IDH3G: variants seen among roughly 807,000 people sequenced by gnomAD.
IDH3G encodes the protein isocitrate dehydrogenase [NAD] subunit gamma, mitochondrial.
IDH3G carries 9 observed loss-of-function variants against 26.9 expected under a neutral mutation model. The ratio of observed to expected loss-of-function variants is 0.34; its 90% confidence interval spans 0.20 to 0.58. The LOEUF is 0.58. Among genes scored for constraint, IDH3G ranks in the 20% least tolerant of loss-of-function variants. IDH3G has a pLI of 0.85. For missense variants in IDH3G, 250 were observed against 372.8 expected (o/e 0.67, Z 2.71); for synonymous variants, 181 against 160.0 (o/e 1.13, Z -0.99).
chrX:153,787,452 C>T lies in IDH3G; in HGVS notation c.674+12G>A. On this transcript the variant is annotated intron_variant, in intron 8 of 12. Transcript: ENST00000217901. Reference sequence around the variant, plus strand: ...GCTTCTGGACTGCTCGCAGAGAGGTCAGGGGACATACATGATGTTGGCCTT... The same window carrying T: ...GCTTCTGGACTGCTCGCAGAGAGGTTAGGGGACATACATGATGTTGGCCTT... 1.7e-6 allele frequency: 2 copies of T among 1,209,776 alleles called. No individual in the cohort carries two copies. Among genetic ancestry groups the T allele is most frequent in the Non-Finnish European group, 1.1e-6 (1 of 894,530 alleles).
At chrX:153,787,349 T>C in intron 8 of IDH3G, 115 bp downstream of exon 8, 2 of 997,681 alleles carry the variant, frequency 2.0e-6, no homozygotes, top group Non-Finnish European at 2.8e-6. Context: ...GGCACTCGCC[T>C]AGGGTGGCAC....
At chrX:153,789,062 G>T in intron 5 of IDH3G, 1 of 338,668 alleles carries the variant, frequency 3.0e-6, no homozygotes, top group South Asian at 2.6e-5. Context: ...GGGTGGGAGG[G>T]AACCCATCAG....
In IDH3G at chrX:153,794,369, C is replaced by A; in HGVS notation, c.-43G>T. On this transcript the variant is annotated 5_prime_UTR_variant, in exon 1 of 13. Coordinates refer to ENST00000217901, the MANE Select transcript of IDH3G (RefSeq NM_004135.4). ...TCCGCACGTCCCGACACGCAGATAC[C>A]GCTCTCGCGAGAGTTCGACGGGGTG... The A allele has an allele frequency of 8.5e-7, 1 of 1,169,695 alleles. No individual in the cohort carries two copies. Among genetic ancestry groups the A allele is most frequent in the Non-Finnish European group, 1.1e-6 (1 of 873,077 alleles).
chrX:153,787,747 C>T, intron 7 of IDH3G, 76 bp downstream of exon 7: 1 of 1,147,782 alleles, frequency 8.7e-7, no homozygotes, highest in Non-Finnish European at 1.2e-6. Flanking sequence ...TCTAAGGGTA[C>T]ACCTGTCCCT....
In IDH3G at chrX:153,786,778, G is replaced by A. The variant is rs192419055; in HGVS notation, c.924+23C>T. The A allele has an allele frequency of 1.4e-3, 1,690 of 1,193,261 alleles. 12 individuals carry two copies. In the East Asian group the frequency reaches 0.031, roughly 22 times the overall value. ...GTGAACAGGAGAAAGGCGGCAAGCCGCGGCACTGCCACCGGCACTCACTGT... is the reference window on the plus strand; with the variant it reads ...GTGAACAGGAGAAAGGCGGCAAGCCACGGCACTGCCACCGGCACTCACTGT... On this transcript the variant is annotated intron_variant, in intron 10 of 12. Transcript: ENST00000217901.
intron 1 of IDH3G, chrX:153,791,223 A>G (rs1481762486): frequency 3.9e-5 from 8 of 204,445 alleles, no homozygotes; most frequent in African/African-American, 2.3e-4. Flanking sequence ...CAGGGAAATC[A>G]TTACAACAAA....
At chrX:153,793,990 G>A in intron 1 of IDH3G, 1 of 316,094 alleles carries the variant, frequency 3.2e-6, no homozygotes, top group Admixed American at 5.5e-5. Flanking sequence ...GGTGACAGCC[G>A]CCGTGGCCCA....
intron 1 of IDH3G, 25 bp from the exon 2 acceptor site, chrX:153,790,876 T>G (rs1053279379): frequency 1.2e-5 from 15 of 1,204,315 alleles, no homozygotes; most frequent in Non-Finnish European, 1.6e-5. Context: ...ATGCCAGCGG[T>G]TGGTTTGATG....
chrX:153,790,625 G>C (rs1557070260), intron 2 of IDH3G, 50 bp from the exon 3 acceptor site: 1 of 1,173,886 alleles, frequency 8.5e-7, no homozygotes, highest in Admixed American at 2.2e-5. Context: ...GGTTCCAAGA[G>C]CAAGGCCGTG....
rs782410958 is a variant in IDH3G, at chrX:153,785,913, G to A, written c.1141C>T (p.Arg381Cys). Residue 381 changes from arginine to cysteine, a missense_variant, in exon 13 of 13, where the codon CGC (arginine) becomes TGC (cysteine). By Grantham distance (180) the Arg-to-Cys change is radical. Around this residue, in one of 2 missense-constraint regions of IDH3G, gnomAD observed 201 missense variants for 331.3 expected, o/e 0.61. Coordinates refer to ENST00000217901, the MANE Select transcript of IDH3G (RefSeq NM_004135.4). ...CGGCCGTTGATGACGCGGATGTGGCGGATGACGTCCTGGATGGCTTCAGAT... is the reference window on the plus strand; with the variant it reads ...CGGCCGTTGATGACGCGGATGTGGCAGATGACGTCCTGGATGGCTTCAGAT... ...TTSEAIQDVI[R>C]HIRVINGRAV... 1.5e-5 allele frequency: 18 copies of A among 1,209,956 alleles called. No individual in the cohort carries two copies. Among genetic ancestry groups the A allele is most frequent in the Non-Finnish European group, 1.9e-5 (17 of 895,251 alleles).
chrX:153,791,117 C>T, intron 1 of IDH3G: 1 of 345,586 alleles, frequency 2.9e-6, no homozygotes, highest in Non-Finnish European at 5.0e-6. Context: ...CCCTGCCCTC[C>T]CTCCTCTTTT....
intron 8 of IDH3G, 39 bp downstream of exon 8, chrX:153,787,425 C>G: frequency 8.4e-7 from 1 of 1,192,600 alleles, no homozygotes; most frequent in African/African-American, 1.7e-5. Context: ...GCCACTGCAG[C>G]TGCTTCTGGA....
rs782277779 is a variant in IDH3G at position 153,791,824 on chromosome X, C to T, written c.82-973G>A. 1.5e-3 allele frequency among the ~76,000 whole-genome samples: 170 copies of T among 112,300 alleles called. 1 individual carries two copies. The highest frequency in any genetic ancestry group is 5.2e-3 in the African/African-American group (162 of 30,954). ...CTCTCCCTGTCTGTGTGTCCCTGGC[C>T]GGCACTCATCAGTCCAAGCCAGGGG... is the stretch of plus-strand genomic sequence containing the variant. On this transcript the variant is annotated intron_variant, in intron 1 of 12. Transcript: ENST00000217901.
chrX:153,786,775 G>A (rs2092089953), intron 10 of IDH3G, 26 bp downstream of exon 10: 2 of 1,192,086 alleles, frequency 1.7e-6, no homozygotes, highest in Admixed American at 2.2e-5. Context: ...AAGGCGGCAA[G>A]CCGCGGCACT....
chrX:153,787,614 G>A lies in IDH3G; in HGVS notation c.541-17C>T. 8.3e-7 allele frequency: 1 copy of A among 1,208,177 alleles called. No individual in the cohort carries two copies. The highest frequency in any genetic ancestry group is 1.8e-5 in the South Asian group (1 of 56,716). On this transcript the variant is annotated splice_polypyrimidine_tract_variant and intron_variant, in intron 7 of 12. Coordinates refer to ENST00000217901, the MANE Select transcript of IDH3G (RefSeq NM_004135.4). ...CGCCACACTCTGAGGAGGGCATGGG[G>A]AGAAGAGACCCATGTGCTACTGAAG...
intron 5 of IDH3G, 25 bp downstream of exon 5, chrX:153,789,687 C>T: frequency 1.0e-6 from 1 of 963,676 alleles, no homozygotes; most frequent in Non-Finnish European, 1.5e-6. Flanking sequence ...AGGGCCCCAT[C>T]CTGGCCCCTG....
At chrX:153,790,742 G>A (rs967832608) in intron 2 of IDH3G, 68 bp downstream of exon 2, 13 of 1,124,364 alleles carry the variant, frequency 1.2e-5, no homozygotes, top group East Asian at 3.0e-5. Flanking sequence ...GACACAGGCC[G>A]TGCACACACG....
chrX:153,790,095 C>T, intron 4 of IDH3G, 100 bp downstream of exon 4: 1 of 695,536 alleles, frequency 1.4e-6, no homozygotes, highest in Non-Finnish European at 2.3e-6. Context: ...GTCGTCTTGC[C>T]ATGGCCTCAC....
chrX:153,791,024 G>GC (rs2092107767), intron 1 of IDH3G, 173 bp from the exon 2 acceptor site: 2 of 420,873 alleles, frequency 4.8e-6, no homozygotes, highest in African/African-American at 2.5e-5. Flanking sequence ...CCCAGGGCCG[G>GC]CCCGCTGGAG....
Sources: allele counts gnomAD v4.1 joint callset (sites outside exome capture counted in the v4.1 genomes callset), GRCh38; gene constraint gnomAD v4.1.1; regional missense constraint gnomAD v4.1.1; transcripts MANE v1.5; gene names NCBI Gene and HGNC (gene_info 2026-07-23, HGNC 2026-07-21).